Variants in ELP4 observed in about 807,000 individuals in gnomAD.
ELP4 encodes elongator complex protein 4.
ELP4 carries 51 observed loss-of-function variants against 48.9 expected under a neutral mutation model. That is an observed-to-expected ratio of 1.04 (90% CI 0.83 to 1.32). ELP4 has a LOEUF of 1.32. Among genes scored for constraint, ELP4 ranks in the 40% most tolerant of loss-of-function variants. The pLI is 0.00. For synonymous variants in ELP4, 210 were observed against 189.2 expected (o/e 1.11, Z -0.90); for missense variants, 519 against 514.6 (o/e 1.01, Z -0.08).
intron 5 of ELP4, among the ~76,000 whole-genome samples, chr11:31,623,378 T>TATATATATAA (rs1554965415): frequency 1.6e-5 from 1 of 63,374 alleles, no homozygotes; most frequent in Non-Finnish European, 2.9e-5. Context: ...TATATATATA[T>TATATATATAA]ATATATATAT....
chr11:31,670,161 C>A (rs541737041), intron 9 of ELP4, among the ~76,000 whole-genome samples: 6 of 152,162 alleles, frequency 3.9e-5, no homozygotes, highest in African/African-American at 1.4e-4. Flanking sequence ...TTTAGCTAAT[C>A]TATATTATCT....
chr11:31,551,484 G>C (rs566632147), intron 3 of ELP4, among the ~76,000 whole-genome samples: 6 of 152,012 alleles, frequency 3.9e-5, no homozygotes, highest in African/African-American at 1.4e-4. Context: ...TTCTCTAATG[G>C]GGCTCTTTCT....
chr11:31,556,497 A>T (rs1305888139), intron 3 of ELP4, among the ~76,000 whole-genome samples: 2 of 151,916 alleles, frequency 1.3e-5, no homozygotes, highest in Non-Finnish European at 3.0e-5. Context: ...GCTTGAAGAC[A>T]TTAAGATTTT....
At chr11:31,563,792 C>T (rs1265741317) in intron 3 of ELP4, among the ~76,000 whole-genome samples, 1 of 151,944 alleles carries the variant, frequency 6.6e-6, no homozygotes, top group Non-Finnish European at 1.5e-5. Flanking sequence ...ACCATAAGCA[C>T]CAAATTGCAG....
chr11:31,569,981 A>G (rs1957168430), intron 3 of ELP4, among the ~76,000 whole-genome samples: 1 of 152,232 alleles, frequency 6.6e-6, no homozygotes, highest in African/African-American at 2.4e-5. Flanking sequence ...GAGTTGAACT[A>G]ACATCCAACC....
chr11:31,761,212 C>G (rs1046791687), intron 9 of ELP4, among the ~76,000 whole-genome samples: 3 of 152,062 alleles, frequency 2.0e-5, no homozygotes, highest in African/African-American at 7.2e-5. Context: ...GTGGCACACA[C>G]TTGTGGTCCC....
chr11:31,530,349 A>T (rs958797072), intron 2 of ELP4, among the ~76,000 whole-genome samples: 1 of 152,204 alleles, frequency 6.6e-6, no homozygotes, highest in Non-Finnish European at 1.5e-5. Context: ...ATATGTACGT[A>T]ACAAAAACTT....
intron 5 of ELP4, among the ~76,000 whole-genome samples, chr11:31,616,370 A>AAAAAAT (rs1944483983): frequency 1.3e-5 from 2 of 152,042 alleles, no homozygotes; most frequent in South Asian, 2.1e-4. Context: ...TCTACATGCA[A>AAAAAAT]AAAAATAAAA....
At chr11:31,580,594 G>T (rs972600428) in intron 3 of ELP4, 1 of 152,640 alleles carries the variant, frequency 6.6e-6, no homozygotes, top group Non-Finnish European at 1.5e-5. Flanking sequence ...TTCTCTTGCT[G>T]TCTCTCGCAC....
chr11:31,733,433 C>T lies in ELP4; in HGVS notation c.1144-49960C>T, dbSNP rs548152727. Among the ~76,000 whole-genome samples the T allele has an allele frequency of 2.2e-4, 31 of 141,834 alleles. No individual in the cohort carries two copies. The Middle Eastern group carries it at 0.011, about 51-fold the overall frequency. 93.0% of individuals were successfully genotyped at this position (141,834 alleles called of 152,430 possible). A position where few individuals can be genotyped will look rare whatever the true frequency, so the allele number is the denominator to read the frequency against. ...TGGAGGTTGCAGTGAGCCAAGATCA[C>T]GCCACTGCACTCCTGCCTGGGTGAC... On this transcript the variant is annotated intron_variant, in intron 9 of 9. Transcript: ENST00000640961.
chr11:31,581,839 C>T (rs1295256452), intron 3 of ELP4, among the ~76,000 whole-genome samples: 1 of 151,728 alleles, frequency 6.6e-6, no homozygotes, highest in African/African-American at 2.4e-5. Context: ...CTACATCCTC[C>T]ACCCCCTGGC....
intron 4 of ELP4, among the ~76,000 whole-genome samples, chr11:31,601,361 A>G (rs1387249419): frequency 1.3e-5 from 2 of 152,124 alleles, no homozygotes; most frequent in Admixed American, 6.5e-5. Context: ...AAAGTTTTTC[A>G]TCAGCAATAA....
chr11:31,579,236 T>C (rs564075941), intron 3 of ELP4, among the ~76,000 whole-genome samples: 1 of 152,278 alleles, frequency 6.6e-6, no homozygotes, highest in South Asian at 2.1e-4. Context: ...CACAATGAGA[T>C]ACCATCTCAC....
intron 9 of ELP4, among the ~76,000 whole-genome samples, chr11:31,688,934 G>T (rs1020569448): frequency 1.5e-4 from 23 of 152,128 alleles, no homozygotes; most frequent in Non-Finnish European, 2.2e-4. Context: ...ATTAGATCTA[G>T]ACTAATATAT....
In ELP4 at chr11:31,783,667, A is replaced by AT. The variant is rs912057503; in HGVS notation, c.*149dup. ...TTATAAAATGGTGCCGCCATTTCTC[A>AT]TTTTTTAACTTTTTACAGAACTAGC... On this transcript the variant is annotated 3_prime_UTR_variant, in exon 10 of 10. Coordinates refer to ENST00000640961, the MANE Select transcript of ELP4 (RefSeq NM_019040.5). 1.1e-5 allele frequency: 9 copies of AT among 786,738 alleles called. No homozygotes were observed. In the African/African-American group the frequency reaches 1.6e-4, roughly 14 times the overall value. 48.7% of individuals were successfully genotyped at this position (786,738 alleles called of 1,614,324 possible).
At chr11:31,765,027 T>C (rs1381841973) in intron 9 of ELP4, among the ~76,000 whole-genome samples, 4 of 152,192 alleles carry the variant, frequency 2.6e-5, no homozygotes. Context: ...TGACGACTGC[T>C]ACTGGCACCC....
intron 5 of ELP4, among the ~76,000 whole-genome samples, chr11:31,607,940 C>CT (rs369043828): frequency 2.0e-3 from 304 of 151,770 alleles, no homozygotes; most frequent in African/African-American, 7.0e-3. Context: ...TGGAGACCTC[C>CT]TTTTTTTTGC....
chr11:31,733,831 T>A (rs1592263274), intron 9 of ELP4, among the ~76,000 whole-genome samples: 1 of 152,110 alleles, frequency 6.6e-6, no homozygotes, highest in South Asian at 2.1e-4. Flanking sequence ...TTACAAAAAA[T>A]TGAAGAGTAG....
chr11:31,782,639 G>A (rs1948403744), intron 9 of ELP4, among the ~76,000 whole-genome samples: 1 of 152,088 alleles, frequency 6.6e-6, no homozygotes, highest in Non-Finnish European at 1.5e-5. Flanking sequence ...CAGTTGCTGG[G>A]GTCAGTTTAA....
Sources: gnomAD v4.1 joint callset for allele counts (sites outside exome capture counted in the v4.1 genomes callset) on GRCh38, gnomAD v4.1.1 for gene constraint, MANE v1.5 for transcripts, NCBI Gene and HGNC (gene_info 2026-07-23, HGNC 2026-07-21) for gene names.